CNTNAP4: variants seen among roughly 807,000 people sequenced by gnomAD.
CNTNAP4 encodes the protein contactin-associated protein-like 4.
A neutral mutation model predicts 148.4 loss-of-function variants in CNTNAP4; 98 were observed. The observed-to-expected ratio is 0.66, with a 90% CI of 0.56 to 0.78. The LOEUF is 0.78. Among genes scored for constraint, CNTNAP4 ranks in the 30% least tolerant of loss-of-function variants. The pLI is 0.00. For synonymous variants in CNTNAP4, 730 were observed against 565.1 expected (o/e 1.29, Z -4.14); for missense variants, 1,935 against 1,565.6 (o/e 1.24, Z -3.98).
chr16:76,363,754 T>A (rs936062930), intron 3 of CNTNAP4, among the ~76,000 whole-genome samples: 1 of 152,098 alleles, frequency 6.6e-6, no homozygotes, highest in African/African-American at 2.4e-5. Flanking sequence ...GAGTTAGTAT[T>A]AAAAAAGCAT....
At chr16:76,389,386 G>A (rs1051948656) in intron 3 of CNTNAP4, among the ~76,000 whole-genome samples, 3 of 152,142 alleles carry the variant, frequency 2.0e-5, no homozygotes, top group Admixed American at 6.5e-5. Context: ...TTCTGGCAAC[G>A]TTGCTTGTGG....
At chr16:76,348,637 T>C (rs556616356) in intron 2 of CNTNAP4, among the ~76,000 whole-genome samples, 24 of 152,276 alleles carry the variant, frequency 1.6e-4, no homozygotes, top group Non-Finnish European at 2.8e-4. Context: ...GAATGATCAC[T>C]AGTATCAAAC....
At position 76,448,939 on chromosome 16, in the gene CNTNAP4, T is replaced by G; in HGVS notation, c.915T>G (p.Asn305Lys). Residue 305 changes from asparagine to lysine, a missense_variant, in exon 6 of 24, where the codon AAT becomes AAG. Coordinates refer to ENST00000611870, the MANE Select transcript of CNTNAP4 (RefSeq NM_033401.5). ...FHARGEFNLM[N>K]LDYEISFGGI... The stretch of plus-strand genomic sequence containing the variant: ...CACGGGGAGAATTCAATCTCATGAA[T>G]CTTGATTATGAGGTGTGATGGTTAT... 6.2e-7 allele frequency: 1 copy of G among 1,612,662 alleles called. No individual in the cohort carries two copies. Among genetic ancestry groups the G allele is most frequent in the Non-Finnish European group, 8.5e-7 (1 of 1,178,948 alleles).
intron 2 of CNTNAP4, among the ~76,000 whole-genome samples, chr16:76,339,735 G>A (rs990628118): frequency 6.6e-6 from 1 of 152,124 alleles, no homozygotes; most frequent in Non-Finnish European, 1.5e-5. Flanking sequence ...GGCCATATTA[G>A]AACAATAACA....
At chr16:76,396,408 C>G (rs991474212) in intron 3 of CNTNAP4, among the ~76,000 whole-genome samples, 1 of 152,068 alleles carries the variant, frequency 6.6e-6, no homozygotes, top group Non-Finnish European at 1.5e-5. Flanking sequence ...TAATTTTTAT[C>G]AAGGAGGTAG....
chr16:76,536,880 G>A (rs181904969), intron 18 of CNTNAP4, among the ~76,000 whole-genome samples: 2 of 152,232 alleles, frequency 1.3e-5, no homozygotes, highest in East Asian at 1.9e-4. Context: ...TTTATTTAAA[G>A]TGTCTCTTGG....
chr16:76,514,437 G>C (rs1258281456), intron 15 of CNTNAP4, among the ~76,000 whole-genome samples: 1 of 152,148 alleles, frequency 6.6e-6, no homozygotes, highest in African/African-American at 2.4e-5. Context: ...TGCAAAACTA[G>C]TATAAGACTA....
chr16:76,361,201 A>G (rs1314693189), intron 3 of CNTNAP4, among the ~76,000 whole-genome samples: 1 of 152,100 alleles, frequency 6.6e-6, no homozygotes, highest in African/African-American at 2.4e-5. Flanking sequence ...ACAGTACAAT[A>G]CTGTTCACTA....
Position 76,522,686 on chromosome 16 carries a change from CCTTTCTTTT to C in CNTNAP4, c.2755+434_2755+442del, listed in dbSNP as rs1319346226. ...TCTTTCCTTCTTTCTCTCTTTCTCT[CCTTTCTTTT>C]CTTTTCTTTTCTTTTCTTTTCTTTT... On this transcript the variant is annotated intron_variant, in intron 17 of 23. Coordinates refer to ENST00000611870, the MANE Select transcript of CNTNAP4 (RefSeq NM_033401.5). Among the ~76,000 whole-genome samples the C allele has an allele frequency of 2.2e-3, 178 of 79,646 alleles. 32 individuals are homozygous for C. The highest frequency in any genetic ancestry group is 7.0e-3 in the African/African-American group (156 of 22,282). The allele number at this position is 79,646 out of a possible 152,430, so 52.3% of individuals were successfully genotyped here. A position where few individuals can be genotyped will look rare whatever the true frequency, so the allele number is the denominator to read the frequency against.
intron 3 of CNTNAP4, among the ~76,000 whole-genome samples, chr16:76,419,486 A>C (rs1465194407): frequency 6.6e-6 from 1 of 152,028 alleles, no homozygotes; most frequent in Non-Finnish European, 1.5e-5. Flanking sequence ...GAGCCCTCTA[A>C]GACTGTGGTC....
intron 2 of CNTNAP4, among the ~76,000 whole-genome samples, chr16:76,341,206 CTT>C (rs1964444330): frequency 1.3e-5 from 2 of 152,128 alleles, no homozygotes; most frequent in South Asian, 2.1e-4. Context: ...CATTGAGAGT[CTT>C]TACCTCTTTT....
intron 17 of CNTNAP4, among the ~76,000 whole-genome samples, chr16:76,524,626 A>T (rs1180362539): frequency 6.6e-6 from 1 of 152,150 alleles, no homozygotes; most frequent in Non-Finnish European, 1.5e-5. Flanking sequence ...AACTGCTTTA[A>T]AACAGACTTG....
At position 76,538,248 on chromosome 16, in the gene CNTNAP4, A is replaced by C; in HGVS notation, c.3128A>C (p.Lys1043Thr). The C allele has an allele frequency of 6.2e-7, 1 of 1,611,258 alleles. No individual in the cohort carries two copies. The highest frequency in any genetic ancestry group is 8.5e-7 in the Non-Finnish European group (1 of 1,178,986). Residue 1043 changes from lysine to threonine, a missense_variant, in exon 19 of 24, where the codon AAA (lysine) becomes ACA (threonine). Coordinates refer to ENST00000611870, the MANE Select transcript of CNTNAP4 (RefSeq NM_033401.5). ...GDMKLSREMIKFSFRTTRTPS... is the reference protein window; with the variant it reads ...GDMKLSREMITFSFRTTRTPS... ...ATGAAGCTGAGCAGAGAAATGATCAAATTTAGTTTCCGAACAACACGAACA... is the reference window on the plus strand; with the variant it reads ...ATGAAGCTGAGCAGAGAAATGATCACATTTAGTTTCCGAACAACACGAACA...
At chr16:76,460,773 A>AATATATACATATATATAT (rs2080926836) in intron 8 of CNTNAP4, among the ~76,000 whole-genome samples, 1 of 57,324 alleles carries the variant, frequency 1.7e-5, no homozygotes, top group Non-Finnish European at 3.3e-5. Flanking sequence ...AAAAAAAAAA[A>AATATATACATATATATAT]ATATATATAT....
chr16:76,497,041 A>C (rs191192219), intron 14 of CNTNAP4, among the ~76,000 whole-genome samples: 2 of 152,248 alleles, frequency 1.3e-5, no homozygotes. Flanking sequence ...ACAAATTCTA[A>C]TAGAAATTCT....
intron 2 of CNTNAP4, among the ~76,000 whole-genome samples, chr16:76,345,953 A>C (rs1355313709): frequency 1.3e-5 from 2 of 152,170 alleles, no homozygotes; most frequent in Non-Finnish European, 2.9e-5. Context: ...GTGAAACAAA[A>C]ATTATTACAG....
chr16:76,482,067 A>T (rs1490203059), intron 12 of CNTNAP4, among the ~76,000 whole-genome samples: 1 of 151,782 alleles, frequency 6.6e-6, no homozygotes, highest in Non-Finnish European at 1.5e-5. Context: ...ATGCAATCTG[A>T]CTTCCTTTAG....
rs115762910 is a variant in CNTNAP4 at position 76,474,230 on chromosome 16, A to C, written c.1656-1709A>C. Among the ~76,000 whole-genome samples, 1,220 of 152,310 alleles carry C rather than the reference A, an allele frequency of 8.0e-3. 6 individuals are homozygous for C. The highest frequency in any genetic ancestry group is 0.016 in the African/African-American group (676 of 41,562). The stretch of plus-strand genomic sequence containing the variant: ...AGGGGCTGTATCTTTCTTAATGCTT[A>C]CATTTCAAAGGGGTGACTCCCAGGT... On this transcript the variant is annotated intron_variant, in intron 10 of 23. Coordinates refer to ENST00000611870, the MANE Select transcript of CNTNAP4 (RefSeq NM_033401.5).
chr16:76,407,959 G>C (rs1201255558), intron 3 of CNTNAP4, among the ~76,000 whole-genome samples: 1 of 151,982 alleles, frequency 6.6e-6, no homozygotes, highest in African/African-American at 2.4e-5. Context: ...CCAACCTTCA[G>C]CAACCACCAC....
Sources: gnomAD v4.1 joint callset for allele counts (sites outside exome capture counted in the v4.1 genomes callset) on GRCh38, gnomAD v4.1.1 for gene constraint, MANE v1.5 for transcripts, NCBI Gene and HGNC (gene_info 2026-07-23, HGNC 2026-07-21) for gene names.